The following PHF21B variants were observed in gnomAD, a reference collection of about 807,000 sequenced individuals.
PHF21B encodes the protein PHD finger protein 21B, also known as PHD finger protein 4.
PHF21B carries 22 observed loss-of-function variants against 62.2 expected under a neutral mutation model. The ratio of observed to expected loss-of-function variants is 0.35; its 90% CI spans 0.25 to 0.51. The LOEUF is 0.51. PHF21B is among the 20% of genes least tolerant of loss of function. The probability of loss-of-function intolerance (pLI) is 0.97; values close to 1 mark genes in which losing one functional copy is unlikely to be tolerated. For synonymous variants in PHF21B, 341 were observed against 314.7 expected, an observed-to-expected ratio of 1.08 and a Z score of -0.88; for missense variants, 701 against 707.9, an observed-to-expected ratio of 0.99 and a Z score of 0.11.
chr22:44,973,780 G>C (rs1430988424), intron 2 of PHF21B, among the ~76,000 whole-genome samples: 2 of 152,014 alleles, frequency 1.3e-5, no homozygotes, highest in Non-Finnish European at 2.9e-5. Context: ...CCATGGGAGA[G>C]GAAAGTGTGG....
intron 2 of PHF21B, among the ~76,000 whole-genome samples, chr22:44,989,796 G>C (rs1460324043): frequency 6.6e-6 from 1 of 151,996 alleles, no homozygotes; most frequent in Non-Finnish European, 1.5e-5. Flanking sequence ...TTTTAGTAGA[G>C]ACAGGGTTTC....
chr22:44,959,200 G>A lies in PHF21B; in HGVS notation c.121-38710C>T, dbSNP rs188028049. 7.0e-4 allele frequency among the ~76,000 whole-genome samples: 107 copies of A among 152,308 alleles called. 1 individual carries two copies. The highest frequency in any genetic ancestry group is 5.5e-3 in the Admixed American group (84 of 15,302). The stretch of plus-strand genomic sequence containing the variant: ...TGCTGATGATCTGCTCCCATCTCAG[G>A]ACGAGGCTCGCATGCCTTCTGGAGG... On this transcript the variant is annotated intron_variant, in intron 2 of 12. Coordinates refer to ENST00000313237, the MANE Select transcript of PHF21B (RefSeq NM_138415.5).
At chr22:44,977,981 T>C (rs575987217) in intron 2 of PHF21B, among the ~76,000 whole-genome samples, 33 of 152,270 alleles carry the variant, frequency 2.2e-4, no homozygotes, top group Admixed American at 1.6e-3. Context: ...AGAGTCAAGG[T>C]TGTTGCACGT....
At chr22:44,902,622 G>A (rs1027143565) in intron 5 of PHF21B, among the ~76,000 whole-genome samples, 1 of 152,084 alleles carries the variant, frequency 6.6e-6, no homozygotes, top group African/African-American at 2.4e-5. Flanking sequence ...TCCAGCTCAT[G>A]GTTAATTCTC....
At chr22:44,927,675 C>T (rs746279859) in intron 2 of PHF21B, among the ~76,000 whole-genome samples, 39 of 152,174 alleles carry the variant, frequency 2.6e-4, no homozygotes, top group Non-Finnish European at 4.0e-4. Flanking sequence ...TACCCGAGTG[C>T]GTTCTTCCAC....
At chr22:44,953,421 T>C (rs1416923765) in intron 2 of PHF21B, among the ~76,000 whole-genome samples, 2 of 152,236 alleles carry the variant, frequency 1.3e-5, no homozygotes, top group African/African-American at 2.4e-5. Flanking sequence ...CATCGGGCTT[T>C]TGTGGTGTGA....
chr22:44,946,326 T>C (rs554322857), intron 2 of PHF21B, among the ~76,000 whole-genome samples: 2 of 151,808 alleles, frequency 1.3e-5, no homozygotes, highest in South Asian at 4.1e-4. Context: ...TTCTGCCCTC[T>C]ACCAGCACCT....
intron 1 of PHF21B, 146 bp from the exon 2 acceptor site, chr22:45,008,756 C>A: frequency 8.7e-7 from 1 of 1,148,194 alleles, no homozygotes; most frequent in Non-Finnish European, 1.1e-6. Context: ...GCGTCCTGCA[C>A]GCGCGGCGGC....
At chr22:44,995,142 G>C (rs997726515) in intron 2 of PHF21B, among the ~76,000 whole-genome samples, 3 of 152,220 alleles carry the variant, frequency 2.0e-5, no homozygotes, top group Non-Finnish European at 4.4e-5. Flanking sequence ...GGGAGGTATG[G>C]GGGGGATGAA....
intron 2 of PHF21B, among the ~76,000 whole-genome samples, chr22:44,973,199 C>T (rs1282383048): frequency 1.3e-5 from 2 of 152,148 alleles, no homozygotes; most frequent in African/African-American, 2.4e-5. Context: ...TCAGAGAAAA[C>T]GGGGTCTGCT....
chr22:44,893,023 C>A (rs1400034951), intron 7 of PHF21B, among the ~76,000 whole-genome samples: 2 of 151,510 alleles, frequency 1.3e-5, no homozygotes, highest in Non-Finnish European at 2.9e-5. Flanking sequence ...CCTTTCTTTA[C>A]GGTGCCCGCC....
rs1411660698 is a variant in PHF21B at position 44,891,334 on chromosome 22, G to A, written c.987C>T (p.Leu329=). The A allele has an allele frequency of 2.7e-5, 44 of 1,613,866 alleles. No individual in the cohort carries two copies. Among genetic ancestry groups the A allele is most frequent in the Non-Finnish European group, 3.6e-5 (43 of 1,180,014 alleles). The change falls in exon 8 of 13, where the codon CTC becomes CTT. Residue 329 remains leucine, a synonymous_variant. Transcript: ENST00000313237. ...TCGCTGTGAGGAACAGGGGGTTGTT[G>A]AGATAGTTGGAGGCCAGCCGTTTCC... ...TERKRLASNY[L]NNPLFLTARA... is the part of the protein sequence containing the mutation.
At position 44,881,748 on chromosome 22, in the gene PHF21B, G is replaced by A. The variant is rs6007364; in HGVS notation, c.*1338C>T. ...ATTCGGCACCATGTGATATGCTCGG[G>A]GTGGGAGCCCGTGGCTCCTGGACGC... is the stretch of plus-strand genomic sequence containing the variant. On this transcript the variant is annotated 3_prime_UTR_variant, in exon 13 of 13. Coordinates refer to ENST00000313237, the MANE Select transcript of PHF21B (RefSeq NM_138415.5). The A allele has an allele frequency of 9.2e-5, 14 of 152,818 alleles. No homozygotes were observed. Among genetic ancestry groups the A allele is most frequent in the African/African-American group, 3.4e-4 (14 of 41,584 alleles). 9.5% of individuals were successfully genotyped at this position (152,818 alleles called of 1,614,324 possible).
chr22:44,915,290 A>G, intron 4 of PHF21B, among the ~76,000 whole-genome samples: 1 of 152,262 alleles, frequency 6.6e-6, no homozygotes, highest in East Asian at 1.9e-4. Context: ...TAAGTGTAAG[A>G]AAAACACTGA....
Position 44,893,451 on chromosome 22 carries a change from C to T in PHF21B, c.960+6G>A, listed in dbSNP as rs1234621034. 1 of 1,591,110 alleles carries T rather than the reference C, an allele frequency of 6.3e-7. No individual in the cohort carries two copies. The highest frequency in any genetic ancestry group is 8.6e-7 in the Non-Finnish European group (1 of 1,169,436). ...CCTGGTGGCATGGGGCTGGCGGGTTCCCCACCTCGGTCTCCAGGAGGCCGC... is the reference window on the plus strand; with the variant it reads ...CCTGGTGGCATGGGGCTGGCGGGTTTCCCACCTCGGTCTCCAGGAGGCCGC... On this transcript the variant is annotated splice_donor_region_variant and intron_variant, in intron 7 of 12. Coordinates refer to ENST00000313237, the MANE Select transcript of PHF21B (RefSeq NM_138415.5).
intron 2 of PHF21B, among the ~76,000 whole-genome samples, chr22:44,926,564 C>A (rs1330701906): frequency 6.6e-6 from 1 of 152,224 alleles, no homozygotes; most frequent in African/African-American, 2.4e-5. Context: ...TCTGTGAGTC[C>A]TGGAGGGTTG....
intron 2 of PHF21B, among the ~76,000 whole-genome samples, chr22:44,924,425 T>C (rs762304953): frequency 6.6e-6 from 1 of 152,200 alleles, no homozygotes; most frequent in Non-Finnish European, 1.5e-5. Flanking sequence ...CTCTCCCAGA[T>C]CCAAATGTTG....
chr22:44,897,711 G>C (rs1311782275), intron 5 of PHF21B, among the ~76,000 whole-genome samples: 2 of 152,110 alleles, frequency 1.3e-5, no homozygotes. Context: ...ACTCATTACT[G>C]GGAGTTCCTG....
intron 2 of PHF21B, among the ~76,000 whole-genome samples, chr22:44,955,234 A>AC (rs938736515): frequency 2.6e-5 from 4 of 152,132 alleles, no homozygotes; most frequent in Non-Finnish European, 4.4e-5. Context: ...AGCACACAGC[A>AC]CCACTCCACA....
Sources: allele counts gnomAD v4.1 joint callset (sites outside exome capture counted in the v4.1 genomes callset), GRCh38; gene constraint gnomAD v4.1.1; transcripts MANE v1.5; gene names NCBI Gene and HGNC (gene_info 2026-07-23, HGNC 2026-07-21).